The following CLVS1 variants were observed in gnomAD, a reference collection of about 807,000 sequenced individuals.
CLVS1 encodes the protein clavesin-1.
CLVS1 carries 10 observed loss-of-function variants against 33.1 expected under a neutral mutation model. The ratio of observed to expected loss-of-function variants is 0.30; its 90% CI spans 0.19 to 0.51. The LOEUF (loss-of-function observed/expected upper bound fraction) is 0.51, where lower values mean the gene tolerates loss of function less well. CLVS1 is among the 20% of genes least tolerant of loss of function. The probability of loss-of-function intolerance (pLI) is 0.97; values close to 1 mark genes in which losing one functional copy is unlikely to be tolerated. For synonymous variants in CLVS1, 163 were observed against 166.1 expected (o/e 0.98, Z 0.14); for missense variants, 343 against 433.4 (o/e 0.79, Z 1.85).
Position 61,499,639 on chromosome 8 carries a change from CT to C in CLVS1, c.*98del. 1 of 815,306 alleles carries C rather than the reference CT, an allele frequency of 1.2e-6. No individual in the cohort carries two copies. The allele number at this position is 815,306 out of a possible 1,614,324, so 50.5% of individuals were successfully genotyped here. A position where few individuals can be genotyped will look rare whatever the true frequency, so the allele number is the denominator to read the frequency against. ...ACTGACCCATGCAGACACGTGTGTT[CT>C]GCTTGACACAAGGTCCTCCACTCCT... On this transcript the variant is annotated 3_prime_UTR_variant, in exon 6 of 6. Transcript: ENST00000325897.
At chr8:61,236,635 C>T (rs2129313306) in intron 2 of CLVS1, among the ~76,000 whole-genome samples, 1 of 152,308 alleles carries the variant, frequency 6.6e-6, no homozygotes, top group East Asian at 1.9e-4. Flanking sequence ...CCCATCTCTC[C>T]TCCCCATGCT....
chr8:61,374,779 T>C (rs1813575370), intron 2 of CLVS1, among the ~76,000 whole-genome samples: 1 of 152,212 alleles, frequency 6.6e-6, no homozygotes, highest in Admixed American at 6.5e-5. Context: ...TAGGGTATCA[T>C]GACCACCATG....
At chr8:61,213,236 C>G (rs1808009100) in intron 2 of CLVS1, among the ~76,000 whole-genome samples, 1 of 149,058 alleles carries the variant, frequency 6.7e-6, no homozygotes, top group Non-Finnish European at 1.5e-5. Context: ...CTCCCAGCTT[C>G]CAGGTCTGTT....
At chr8:61,215,029 T>C (rs1407158922) in intron 2 of CLVS1, among the ~76,000 whole-genome samples, 1 of 152,188 alleles carries the variant, frequency 6.6e-6, no homozygotes, top group Non-Finnish European at 1.5e-5. Context: ...TAACATAAAG[T>C]AAGTATTTAG....
At chr8:61,204,498 G>T (rs1260100951) in intron 2 of CLVS1, among the ~76,000 whole-genome samples, 1 of 152,162 alleles carries the variant, frequency 6.6e-6, no homozygotes, top group Non-Finnish European at 1.5e-5. Context: ...TAATGCTAAG[G>T]ACGTTTTAGC....
chr8:61,246,365 G>A (rs894549942), intron 2 of CLVS1, among the ~76,000 whole-genome samples: 1 of 149,214 alleles, frequency 6.7e-6, no homozygotes, highest in African/African-American at 2.5e-5. Context: ...AGATGGGGTT[G>A]CACCATGTTG....
In CLVS1 at chr8:61,068,201, A is replaced by G. The variant is rs200192374; in HGVS notation, c.-243+10971A>G. ...TAAAAGAATATATATGTGTATATGTATATATATATATATATATGTATGTAT... is the reference window on the plus strand; with the variant it reads ...TAAAAGAATATATATGTGTATATGTGTATATATATATATATATGTATGTAT... On this transcript the variant is annotated intron_variant, in intron 1 of 2. Transcript: ENST00000522621. 2.4e-3 allele frequency among the ~76,000 whole-genome samples: 235 copies of G among 98,472 alleles called. 4 individuals carry two copies. In the South Asian group the frequency reaches 0.048, roughly 20 times the overall value. 64.6% of individuals were successfully genotyped at this position (98,472 alleles called of 152,430 possible).
chr8:61,018,622 C>CT, the CLVS1 span, among the ~76,000 whole-genome samples: 2 of 152,226 alleles, frequency 1.3e-5, no homozygotes, highest in African/African-American at 4.8e-5. Flanking sequence ...CACATTTCTC[C>CT]TATAGACACA....
At chr8:61,480,583 C>T (rs1479921638) in intron 5 of CLVS1, among the ~76,000 whole-genome samples, 2 of 152,046 alleles carry the variant, frequency 1.3e-5, no homozygotes, top group African/African-American at 4.8e-5. Context: ...GTGCTGCACC[C>T]ACTGTCCTGC....
intron 2 of CLVS1, among the ~76,000 whole-genome samples, chr8:61,265,650 C>T (rs530557571): frequency 9.9e-5 from 15 of 152,220 alleles, no homozygotes; most frequent in African/African-American, 2.9e-4. Flanking sequence ...ATTCCATTAT[C>T]GCAGCCCCTG....
At chr8:61,321,484 G>A (rs952090731) in intron 2 of CLVS1, among the ~76,000 whole-genome samples, 4 of 151,218 alleles carry the variant, frequency 2.6e-5, no homozygotes, top group African/African-American at 9.7e-5. Context: ...AATTCCCACT[G>A]CATATGCGTG....
intron 2 of CLVS1, among the ~76,000 whole-genome samples, chr8:61,150,500 G>A (rs879615079): frequency 3.4e-4 from 51 of 152,238 alleles, no homozygotes; most frequent in African/African-American, 1.0e-3. Context: ...ATGGGGGTCG[G>A]GGGCGTTTGG....
At chr8:61,315,732 C>A (rs1404555409) in intron 2 of CLVS1, among the ~76,000 whole-genome samples, 2 of 152,014 alleles carry the variant, frequency 1.3e-5, no homozygotes, top group African/African-American at 4.8e-5. Flanking sequence ...CTGGTTTATT[C>A]TTTTTTTATA....
chr8:61,235,560 C>T (rs1808539910), intron 2 of CLVS1, among the ~76,000 whole-genome samples: 1 of 152,128 alleles, frequency 6.6e-6, no homozygotes, highest in Non-Finnish European at 1.5e-5. Flanking sequence ...ACATGTCTTT[C>T]AACTAAAACA....
chr8:61,232,961 A>G (rs1394194589), intron 2 of CLVS1, among the ~76,000 whole-genome samples: 1 of 152,244 alleles, frequency 6.6e-6, no homozygotes, highest in Admixed American at 6.5e-5. Context: ...AATAATACAT[A>G]AAAACCATAT....
chr8:61,068,680 AC>A (rs535840426), intron 1 of CLVS1, among the ~76,000 whole-genome samples: 180 of 151,984 alleles, frequency 1.2e-3, no homozygotes, highest in Non-Finnish European at 2.2e-3. Flanking sequence ...ATTTACCTAC[AC>A]CCATGTCCCT....
intron 1 of CLVS1, among the ~76,000 whole-genome samples, chr8:61,085,616 T>TG (rs1805102934): frequency 6.6e-6 from 1 of 150,506 alleles, no homozygotes; most frequent in Non-Finnish European, 1.5e-5. Flanking sequence ...CCTGGCGGAG[T>TG]GCGGTGGCTC....
chr8:61,025,998 AGAT>A, the CLVS1 span, among the ~76,000 whole-genome samples: 1 of 152,182 alleles, frequency 6.6e-6, no homozygotes, highest in East Asian at 1.9e-4. Context: ...ACCTCCAGGA[AGAT>A]GTTCCAGGCT....
chr8:61,341,818 ATT>A, intron 2 of CLVS1, among the ~76,000 whole-genome samples: 1 of 152,284 alleles, frequency 6.6e-6, no homozygotes, highest in South Asian at 2.1e-4. Flanking sequence ...TTTTAAGGGA[ATT>A]TTGCAAGGCT....
Sources: gnomAD v4.1 joint callset for allele counts (sites outside exome capture counted in the v4.1 genomes callset) on GRCh38, gnomAD v4.1.1 for gene constraint, MANE v1.5 for transcripts, NCBI Gene and HGNC (gene_info 2026-07-23, HGNC 2026-07-21) for gene names.